Variants in MAP4K3 observed in about 807,000 individuals in gnomAD.
The protein encoded by MAP4K3 is MAPK/ERK kinase kinase kinase 3.
MAP4K3 carries 94 observed loss-of-function variants against 143.5 expected under a neutral mutation model. That is an observed-to-expected ratio of 0.65 (90% CI 0.55 to 0.78). The LOEUF is 0.78. Ranked by LOEUF, MAP4K3 falls within the 30% of genes least tolerant of loss-of-function variation. The pLI, the probability that MAP4K3 is intolerant of heterozygous loss-of-function variation, is 0.00. For synonymous variants in MAP4K3, 416 were observed against 347.2 expected, an observed-to-expected ratio of 1.20 and a Z score of -2.20; for missense variants, 1,077 against 1,068.1, an observed-to-expected ratio of 1.01 and a Z score of -0.12.
At chr2:39,349,857 CA>C (rs1486937270) in intron 3 of MAP4K3, among the ~76,000 whole-genome samples, 7 of 152,162 alleles carry the variant, frequency 4.6e-5, no homozygotes, top group African/African-American at 1.4e-4. Context: ...CATTTTTTTA[CA>C]AAATACATAT....
intron 3 of MAP4K3, 35 bp from the exon 4 acceptor site, chr2:39,343,487 A>G: frequency 6.4e-7 from 1 of 1,571,762 alleles, no homozygotes; most frequent in Non-Finnish European, 8.7e-7. Context: ...TCATATTTTC[A>G]TGATTAAAAC....
chr2:39,299,753 C>T lies in MAP4K3; in HGVS notation c.1168G>A (p.Gly390Ser). 1 of 1,569,800 alleles carries T rather than the reference C, an allele frequency of 6.4e-7. No homozygotes were observed. Among genetic ancestry groups the T allele is most frequent in the Non-Finnish European group, 8.6e-7 (1 of 1,159,470 alleles). The change falls in exon 16 of 34, where the codon GGT becomes AGT. Residue 390 changes from glycine (G) to serine (S), a missense_variant. This residue lies in a region of MAP4K3 where 864 missense variants were observed against 801.2 expected (regional missense o/e 1.08). Transcript: ENST00000263881. Reference protein sequence around the residue: ...GQGHQGGYFLGANKSLLKSVE... With the variant: ...GQGHQGGYFLSANKSLLKSVE... Reference sequence around the variant, plus strand: ...AAGAACTTTACTTACTTGTTTGCACCTAAAAAGTAACCACCTTGGTGTCCT... The same window carrying T: ...AAGAACTTTACTTACTTGTTTGCACTTAAAAAGTAACCACCTTGGTGTCCT...
intron 22 of MAP4K3, among the ~76,000 whole-genome samples, chr2:39,282,234 A>C (rs574806712): frequency 7.9e-5 from 12 of 151,990 alleles, no homozygotes; most frequent in African/African-American, 2.9e-4. Flanking sequence ...ATGGTAGTTT[A>C]TGCCTATAAT....
chr2:39,373,352 C>G (rs926696878), intron 2 of MAP4K3, among the ~76,000 whole-genome samples: 56 of 152,214 alleles, frequency 3.7e-4, no homozygotes, highest in African/African-American at 1.2e-3. Flanking sequence ...TGTAAATTAA[C>G]ACAACTACTA....
intron 29 of MAP4K3, among the ~76,000 whole-genome samples, chr2:39,259,914 C>T (rs568274803): frequency 6.6e-6 from 1 of 152,128 alleles, no homozygotes; most frequent in South Asian, 2.1e-4. Context: ...AAATACATAT[C>T]ACCAAAATCA....
At chr2:39,326,685 C>T (rs981919823) in intron 8 of MAP4K3, among the ~76,000 whole-genome samples, 2 of 152,108 alleles carry the variant, frequency 1.3e-5, no homozygotes, top group African/African-American at 4.8e-5. Flanking sequence ...TGTGTCCCCA[C>T]CCAAATCTCA....
intron 15 of MAP4K3, chr2:39,302,980 T>C (rs1442927394): frequency 6.0e-6 from 1 of 166,694 alleles, no homozygotes; most frequent in Non-Finnish European, 1.5e-5. Flanking sequence ...GAACAAAGGA[T>C]GTAACATGGA....
intron 1 of MAP4K3, among the ~76,000 whole-genome samples, chr2:39,421,324 C>T (rs1667540579): frequency 6.6e-6 from 1 of 151,284 alleles, no homozygotes; most frequent in African/African-American, 2.4e-5. Flanking sequence ...TGAATTCAAT[C>T]CTGGTTTCAC....
At chr2:39,268,875 A>G (rs994898944) in intron 26 of MAP4K3, among the ~76,000 whole-genome samples, 5 of 151,930 alleles carry the variant, frequency 3.3e-5, no homozygotes, top group Admixed American at 6.6e-5. Flanking sequence ...CCTGACCTCA[A>G]TTGATCCACC....
intron 8 of MAP4K3, among the ~76,000 whole-genome samples, chr2:39,328,406 A>G (rs1683566827): frequency 6.6e-6 from 1 of 152,176 alleles, no homozygotes; most frequent in Admixed American, 6.5e-5. Flanking sequence ...GCAAATTTCT[A>G]AAGATGAGCC....
At chr2:39,297,280 G>C (rs201147930) in intron 16 of MAP4K3, among the ~76,000 whole-genome samples, 1 of 151,958 alleles carries the variant, frequency 6.6e-6, no homozygotes, top group East Asian at 1.9e-4. Context: ...ACCATGTCCA[G>C]CTAATTTTTG....
chr2:39,411,014 C>T (rs1252297002), intron 1 of MAP4K3, among the ~76,000 whole-genome samples: 2 of 152,010 alleles, frequency 1.3e-5, no homozygotes, highest in South Asian at 4.1e-4. Context: ...ATTTTTTTTA[C>T]TTAAGCTGGA....
In MAP4K3 at chr2:39,315,387, G is replaced by C; in HGVS notation, c.920C>G (p.Pro307Arg). 1 of 1,606,088 alleles carries C rather than the reference G, an allele frequency of 6.2e-7. No homozygotes were observed. Among genetic ancestry groups the C allele is most frequent in the Non-Finnish European group, 8.5e-7 (1 of 1,175,518 alleles). Residue 307 changes from proline (P) to arginine (R), a missense_variant and splice_region_variant, in exon 13 of 34, where the codon CCT becomes CGT. Pro to Arg is a moderately radical substitution (Grantham distance 103). Transcript: ENST00000263881. ...AATTCTATGTGGTACAGCAACAAGA[G>C]GCTAGAAAAGAACAAAATCAATGAT... is the stretch of plus-strand genomic sequence containing the variant. ...YHDFDDDDPE[P>R]LVAVPHRIHS...
intron 28 of MAP4K3, among the ~76,000 whole-genome samples, chr2:39,261,507 G>A (rs1680566587): frequency 6.6e-6 from 1 of 152,198 alleles, no homozygotes; most frequent in Non-Finnish European, 1.5e-5. Context: ...TCCCAGAGGA[G>A]TAAGCAAATG....
At chr2:39,401,446 T>A (rs76515629) in intron 1 of MAP4K3, among the ~76,000 whole-genome samples, 6,178 of 152,222 alleles carry the variant, frequency 0.041, 143 homozygotes, top group South Asian at 0.054. Flanking sequence ...TGTCTTAGTA[T>A]TGGGGAAAAT....
chr2:39,284,090 T>C (rs1255649388), intron 21 of MAP4K3, among the ~76,000 whole-genome samples: 1 of 152,220 alleles, frequency 6.6e-6, no homozygotes, highest in Non-Finnish European at 1.5e-5. Flanking sequence ...GCAAATAATA[T>C]ATATTTTTTC....
intron 24 of MAP4K3, among the ~76,000 whole-genome samples, chr2:39,273,348 G>T (rs979705175): frequency 2.6e-5 from 4 of 152,144 alleles, no homozygotes; most frequent in Non-Finnish European, 5.9e-5. Context: ...TTCTGAAGGA[G>T]GACCCAGGAA....
intron 1 of MAP4K3, among the ~76,000 whole-genome samples, chr2:39,431,488 G>A (rs1665287225): frequency 6.6e-6 from 1 of 152,140 alleles, no homozygotes; most frequent in African/African-American, 2.4e-5. Context: ...GTAAAACCTG[G>A]ATCCATCCCT....
At chr2:39,373,460 G>T (rs781149764) in intron 2 of MAP4K3, among the ~76,000 whole-genome samples, 1 of 152,020 alleles carries the variant, frequency 6.6e-6, no homozygotes, top group Non-Finnish European at 1.5e-5. Context: ...GAAAGGAAAT[G>T]AGTATATCAA....
Sources: allele counts gnomAD v4.1 joint callset (sites outside exome capture counted in the v4.1 genomes callset), GRCh38; gene constraint gnomAD v4.1.1; regional missense constraint gnomAD v4.1.1; transcripts MANE v1.5; gene names NCBI Gene and HGNC (gene_info 2026-07-23, HGNC 2026-07-21).